The following RAPGEF5 variants were observed in gnomAD, a reference collection of about 807,000 sequenced individuals.
The protein encoded by RAPGEF5 is Rap guanine nucleotide exchange factor 5.
A neutral mutation model predicts 125.2 loss-of-function variants in RAPGEF5; 65 were observed. That is an observed-to-expected ratio of 0.52 (90% CI 0.43 to 0.64). RAPGEF5 has a LOEUF of 0.64. RAPGEF5 is among the 30% of genes least tolerant of loss of function. The probability of loss-of-function intolerance (pLI) is 0.00; values close to 1 mark genes in which losing one functional copy is unlikely to be tolerated. For missense variants in RAPGEF5, 958 were observed against 1,048.1 expected (o/e 0.91, Z 1.19); for synonymous variants, 391 against 385.9 (o/e 1.01, Z -0.16).
chr7:22,290,595 A>C (rs899994965), intron 6 of RAPGEF5, among the ~76,000 whole-genome samples: 10 of 151,958 alleles, frequency 6.6e-5, no homozygotes, highest in African/African-American at 2.4e-4. Flanking sequence ...AATACAAAAA[A>C]TTAGCCGGGC....
At chr7:22,231,394 C>T (rs10275177) in intron 7 of RAPGEF5, among the ~76,000 whole-genome samples, 15,984 of 152,052 alleles carry the variant, frequency 0.11, 899 homozygotes, top group East Asian at 0.19. Context: ...GTCTTGAATC[C>T]GTATATCCCT....
intron 1 of RAPGEF5, among the ~76,000 whole-genome samples, chr7:22,323,920 C>A (rs1455863210): frequency 6.6e-6 from 1 of 152,024 alleles, no homozygotes; most frequent in Admixed American, 6.6e-5. Context: ...AACAGAAAAC[C>A]ACCTTAGGCA....
chr7:22,209,417 AT>A (rs1785461499), intron 9 of RAPGEF5, among the ~76,000 whole-genome samples: 2 of 152,074 alleles, frequency 1.3e-5, no homozygotes, highest in African/African-American at 4.8e-5. Flanking sequence ...TCATCTCTCC[AT>A]TTCGTATCCT....
Position 22,322,437 on chromosome 7 carries a change from G to A in RAPGEF5, c.232-4400C>T, listed in dbSNP as rs115703807. On this transcript the variant is annotated intron_variant, in intron 1 of 25. Coordinates refer to ENST00000665637, the MANE Select transcript of RAPGEF5 (RefSeq NM_012294.5). Reference sequence around the variant, plus strand: ...GCTGGGATTACCGGTGTGAGCTACCGCACCCAGCCTATATTAAATATTTTG... The same window carrying A: ...GCTGGGATTACCGGTGTGAGCTACCACACCCAGCCTATATTAAATATTTTG... 4.0e-3 allele frequency among the ~76,000 whole-genome samples: 611 copies of A among 151,936 alleles called. 3 individuals carry two copies. The highest frequency in any genetic ancestry group is 0.014 in the African/African-American group (572 of 41,440).
At position 22,349,723 on chromosome 7, in the gene RAPGEF5, T is replaced by C. The variant is rs1425588391; in HGVS notation, c.231+7107A>G. Among the ~76,000 whole-genome samples the C allele has an allele frequency of 2.0e-5, 3 of 152,246 alleles. No homozygotes were observed. In the East Asian group the frequency reaches 5.8e-4, roughly 29 times the overall value. ...TGAAATGTTTCCTGCATCCATTGTT[T>C]CAATATACCATATGTTGTTATCCTT... On this transcript the variant is annotated intron_variant, in intron 1 of 25. Transcript: ENST00000665637.
intron 6 of RAPGEF5, among the ~76,000 whole-genome samples, chr7:22,289,186 TA>T: frequency 6.6e-6 from 1 of 152,362 alleles, no homozygotes; most frequent in African/African-American, 2.4e-5. Context: ...CTTTATATAT[TA>T]GCCTTCTGAA....
At chr7:22,132,391 T>C (rs1782940952) in intron 23 of RAPGEF5, among the ~76,000 whole-genome samples, 1 of 130,216 alleles carries the variant, frequency 7.7e-6, no homozygotes, top group Non-Finnish European at 1.7e-5. Flanking sequence ...TTTTTTTTTT[T>C]GCTTGTAAAC....
At chr7:22,197,894 G>GGC (rs1554327495) in intron 9 of RAPGEF5, among the ~76,000 whole-genome samples, 5 of 21,348 alleles carry the variant, frequency 2.3e-4, no homozygotes, top group African/African-American at 9.3e-4. Context: ...CTTTTTTTTT[G>GGC]GGGGGGGGTG....
chr7:22,281,544 T>G (rs1209412600), intron 6 of RAPGEF5, among the ~76,000 whole-genome samples: 2 of 152,212 alleles, frequency 1.3e-5, no homozygotes, highest in Non-Finnish European at 2.9e-5. Flanking sequence ...CGTCTTCCCT[T>G]CTATCCTTGT....
At chr7:22,153,109 G>A (rs1359138635) in intron 17 of RAPGEF5, among the ~76,000 whole-genome samples, 1 of 152,164 alleles carries the variant, frequency 6.6e-6, no homozygotes, top group African/African-American at 2.4e-5. Context: ...AGCTCCCAAA[G>A]GAGACGGGTC....
At chr7:22,133,695 G>C (rs1562706628) in intron 23 of RAPGEF5, among the ~76,000 whole-genome samples, 1 of 152,142 alleles carries the variant, frequency 6.6e-6, no homozygotes, top group African/African-American at 2.4e-5. Flanking sequence ...CAAACAACTA[G>C]ATGATTCACT....
intron 8 of RAPGEF5, among the ~76,000 whole-genome samples, chr7:22,221,091 T>A (rs1048897671): frequency 6.6e-6 from 1 of 152,198 alleles, no homozygotes; most frequent in Non-Finnish European, 1.5e-5. Flanking sequence ...TTTGTCGAAC[T>A]AGGAAGGAAA....
At chr7:22,157,734 C>T in intron 15 of RAPGEF5, 121 bp downstream of exon 15, 1 of 1,108,002 alleles carries the variant, frequency 9.0e-7, no homozygotes, top group Non-Finnish European at 1.3e-6. Flanking sequence ...GCCCCAGGCG[C>T]CCCGCCTTGT....
intron 6 of RAPGEF5, among the ~76,000 whole-genome samples, chr7:22,270,527 G>C (rs1782393927): frequency 6.6e-6 from 1 of 152,166 alleles, no homozygotes; most frequent in African/African-American, 2.4e-5. Context: ...CTTGAGAAAT[G>C]TACCAAATGT....
At chr7:22,319,969 C>T (rs1783683318) in intron 1 of RAPGEF5, among the ~76,000 whole-genome samples, 1 of 152,154 alleles carries the variant, frequency 6.6e-6, no homozygotes, top group Admixed American at 6.5e-5. Flanking sequence ...TCACACAATT[C>T]CACTTAACAG....
chr7:22,134,558 T>C (rs1186443216), intron 23 of RAPGEF5, among the ~76,000 whole-genome samples: 1 of 152,246 alleles, frequency 6.6e-6, no homozygotes, highest in African/African-American at 2.4e-5. Context: ...GCTCTGTTCA[T>C]ATCTAATTAA....
At chr7:22,284,042 T>A (rs896282642) in intron 6 of RAPGEF5, among the ~76,000 whole-genome samples, 1 of 149,706 alleles carries the variant, frequency 6.7e-6, no homozygotes, top group Non-Finnish European at 1.5e-5. Context: ...TTAGAGATGA[T>A]GGCTTAGTAA....
chr7:22,128,177 G>C (rs573402876), intron 24 of RAPGEF5, among the ~76,000 whole-genome samples: 54 of 152,276 alleles, frequency 3.5e-4, no homozygotes, highest in Non-Finnish European at 6.2e-4. Context: ...CTTTCTAAAG[G>C]GGGAGGGGGT....
Position 22,150,477 on chromosome 7 carries a change from A to G in RAPGEF5, c.1814T>C (p.Leu605Ser). Residue 605 changes from leucine to serine, a missense_variant, in exon 18 of 26, where the codon TTA becomes TCA. Transcript: ENST00000665637. ...TGCCTCGAGGGATTTGGAGATGACT[A>G]AGTCATTTGGCTGAAGTTCATGCTT... ...GEKHELQPND[L>S]VISKSLEASG... The G allele has an allele frequency of 3.7e-6, 6 of 1,604,846 alleles. No individual in the cohort carries two copies. Among genetic ancestry groups the G allele is most frequent in the Non-Finnish European group, 4.2e-6 (5 of 1,176,944 alleles).
Sources: allele counts gnomAD v4.1 joint callset (sites outside exome capture counted in the v4.1 genomes callset), GRCh38; gene constraint gnomAD v4.1.1; transcripts MANE v1.5; gene names NCBI Gene and HGNC (gene_info 2026-07-23, HGNC 2026-07-21).